Variants in WRN observed in about 807,000 individuals in gnomAD.
WRN encodes the protein bifunctional 3'-5' exonuclease/ATP-dependent helicase WRN.
WRN carries 149 observed loss-of-function variants against 180.7 expected under a neutral mutation model. The observed-to-expected ratio is 0.82, with a 90% CI of 0.72 to 0.94. The LOEUF is 0.94. Ranked by LOEUF, WRN falls within the 40% of genes least tolerant of loss-of-function variation. WRN has a pLI of 0.00. For synonymous variants in WRN, 548 were observed against 568.9 expected (o/e 0.96, Z 0.52); for missense variants, 1,661 against 1,700.1 (o/e 0.98, Z 0.40).
intron 1 of WRN, among the ~76,000 whole-genome samples, chr8:31,042,761 C>T (rs1485244751): frequency 6.6e-6 from 1 of 152,126 alleles, no homozygotes; most frequent in Non-Finnish European, 1.5e-5. Flanking sequence ...CTAGTAATTT[C>T]ATATCTAGGA....
intron 32 of WRN, among the ~76,000 whole-genome samples, chr8:31,155,980 TC>T (rs1441843053): frequency 3.9e-5 from 6 of 152,222 alleles, no homozygotes; most frequent in Non-Finnish European, 8.8e-5. Flanking sequence ...TTCTTAAAGT[TC>T]CTTACAAAGG....
chr8:31,038,200 C>T (rs950162225), intron 1 of WRN, among the ~76,000 whole-genome samples: 2 of 151,996 alleles, frequency 1.3e-5, no homozygotes, highest in African/African-American at 2.4e-5. Context: ...GAGCAGTGTA[C>T]AAGTGTTCCA....
At chr8:31,062,642 G>A (rs953838833) in intron 3 of WRN, among the ~76,000 whole-genome samples, 5 of 151,798 alleles carry the variant, frequency 3.3e-5, no homozygotes, top group African/African-American at 1.2e-4. Flanking sequence ...CAAATTCCTG[G>A]ACTCAAGCAA....
intron 30 of WRN, among the ~76,000 whole-genome samples, chr8:31,147,750 C>G (rs1435196253): frequency 6.6e-6 from 1 of 152,130 alleles, no homozygotes; most frequent in Non-Finnish European, 1.5e-5. Context: ...GCCGAAACTC[C>G]TCTTTTTGGA....
At chr8:31,059,362 G>A (rs940826673) in intron 3 of WRN, 97 bp downstream of exon 3, 16 of 967,972 alleles carry the variant, frequency 1.7e-5, no homozygotes, top group African/African-American at 4.8e-5. Context: ...TACAGGTGAG[G>A]TGTGTTCAAT....
chr8:31,101,184 C>G (rs1177814582), intron 18 of WRN, among the ~76,000 whole-genome samples: 1 of 152,172 alleles, frequency 6.6e-6, no homozygotes, highest in Non-Finnish European at 1.5e-5. Context: ...ATAAATATTT[C>G]AAGCTTTATA....
At chr8:31,070,783 G>A (rs1404930555) in intron 7 of WRN, among the ~76,000 whole-genome samples, 1 of 152,102 alleles carries the variant, frequency 6.6e-6, no homozygotes, top group African/African-American at 2.4e-5. Context: ...AGTGGCTCAC[G>A]CCTGTAATCC....
chr8:31,112,974 C>T (rs745523415), intron 19 of WRN, among the ~76,000 whole-genome samples: 1 of 151,548 alleles, frequency 6.6e-6, no homozygotes, highest in Admixed American at 6.6e-5. Context: ...GGGAGGCAGA[C>T]GTTGGAGAAT....
chr8:31,159,019 C>G (rs1803501331), intron 33 of WRN, among the ~76,000 whole-genome samples: 1 of 151,964 alleles, frequency 6.6e-6, no homozygotes, highest in South Asian at 2.1e-4. Flanking sequence ...TGAGAACAGG[C>G]CGGGCGTGGT....
chr8:31,087,646 A>T, intron 11 of WRN, 130 bp from the exon 12 acceptor site: 1 of 851,876 alleles, frequency 1.2e-6, no homozygotes, highest in Non-Finnish European at 1.9e-6. Flanking sequence ...GTTCTTTTGT[A>T]GTATGGCTTG....
chr8:31,037,606 T>C (rs1361469535), intron 1 of WRN, among the ~76,000 whole-genome samples: 1 of 152,242 alleles, frequency 6.6e-6, no homozygotes, highest in African/African-American at 2.4e-5. Context: ...CTTTTGCATA[T>C]GGTTATCAGT....
At chr8:31,050,562 T>C (rs2737315) in intron 1 of WRN, among the ~76,000 whole-genome samples, 118,396 of 150,320 alleles carry the variant, frequency 0.79, 46,792 homozygotes, top group East Asian at 0.9. Context: ...GGTTTCTTGA[T>C]TTTCAGTCCA....
intron 1 of WRN, 73 bp from the exon 2 acceptor site, chr8:31,058,299 G>A: frequency 1.5e-6 from 1 of 654,228 alleles, no homozygotes; most frequent in Non-Finnish European, 2.7e-6. Flanking sequence ...ACCTATGCTT[G>A]GACCTAGGTG....
chr8:31,124,947 AG>A lies in WRN; in HGVS notation c.2773del (p.Ala925ProfsTer49). ...ATTTTGAGGACAAACAAGTACAAAA[AG>A]CCTCCTTGGGAATTATGGGAACTGA... ...SHFEDKQVQK[A>X]SLGIMGTEKC... On this transcript the variant is annotated frameshift_variant, in exon 23 of 35. Coordinates refer to ENST00000298139, the MANE Select transcript of WRN (RefSeq NM_000553.6). LOFTEE classifies it high-confidence loss of function. The A allele has an allele frequency of 1.9e-6, 3 of 1,613,256 alleles. No individual in the cohort carries two copies. Among genetic ancestry groups the A allele is most frequent in the Non-Finnish European group, 2.5e-6 (3 of 1,179,502 alleles).
intron 24 of WRN, among the ~76,000 whole-genome samples, chr8:31,138,976 G>A (rs1374381330): frequency 6.6e-6 from 1 of 152,070 alleles, no homozygotes; most frequent in Non-Finnish European, 1.5e-5. Context: ...AGTAGTAAAT[G>A]ACATAAGCAT....
At chr8:31,126,426 T>G (rs2130351534) in intron 23 of WRN, among the ~76,000 whole-genome samples, 1 of 152,188 alleles carries the variant, frequency 6.6e-6, no homozygotes, top group Non-Finnish European at 1.5e-5. Context: ...TCAAGGCAAA[T>G]CAGAAAATGT....
chr8:31,072,659 G>C (rs1812954066), intron 7 of WRN, among the ~76,000 whole-genome samples: 1 of 152,212 alleles, frequency 6.6e-6, no homozygotes, highest in Admixed American at 6.5e-5. Context: ...GCTTGTTTTA[G>C]TTGTTTTAGA....
intron 18 of WRN, among the ~76,000 whole-genome samples, chr8:31,108,990 G>A (rs1358992402): frequency 6.6e-6 from 1 of 152,184 alleles, no homozygotes; most frequent in African/African-American, 2.4e-5. Flanking sequence ...GAGGCAGAGG[G>A]CAGTAATTGG....
Position 31,124,806 on chromosome 8 carries a change from A to G in WRN, c.2733-102A>G. ...AACTGAAGTCAAATAATGAAGTCCCAAGTGAATCAATTAATGGTGATTTTA... is the reference window on the plus strand; with the variant it reads ...AACTGAAGTCAAATAATGAAGTCCCGAGTGAATCAATTAATGGTGATTTTA... On this transcript the variant is annotated intron_variant, in intron 22 of 34. Transcript: ENST00000298139. 7 of 1,291,204 alleles carry G rather than the reference A, an allele frequency of 5.4e-6. No homozygotes were observed. The South Asian group carries it at 8.8e-5, about 16-fold the overall frequency. 80.0% of individuals were successfully genotyped at this position (1,291,204 alleles called of 1,614,324 possible). A position where few individuals can be genotyped will look rare whatever the true frequency, so the allele number is the denominator to read the frequency against.
Sources: allele counts gnomAD v4.1 joint callset (sites outside exome capture counted in the v4.1 genomes callset), GRCh38; gene constraint gnomAD v4.1.1; transcripts MANE v1.5; gene names NCBI Gene and HGNC (gene_info 2026-07-23, HGNC 2026-07-21).